Variants in SPIRE1 observed in about 807,000 individuals in gnomAD.
SPIRE1 encodes the protein protein spire homolog 1.
SPIRE1 carries 40 observed loss-of-function variants against 94.1 expected under a neutral mutation model. The observed-to-expected ratio is 0.43, with a 90% CI of 0.33 to 0.55. The LOEUF is 0.55. Among genes scored for constraint, SPIRE1 ranks in the 20% least tolerant of loss-of-function variants. The probability of loss-of-function intolerance (pLI) is 0.06; values close to 1 mark genes in which losing one functional copy is unlikely to be tolerated. For missense variants in SPIRE1, 838 were observed against 975.2 expected (o/e 0.86, Z 1.87); for synonymous variants, 376 against 371.7 (o/e 1.01, Z -0.13).
At chr18:12,580,424 A>G (rs2144529448) in intron 2 of SPIRE1, among the ~76,000 whole-genome samples, 1 of 151,960 alleles carries the variant, frequency 6.6e-6, no homozygotes, top group Middle Eastern at 3.4e-3. Flanking sequence ...CCCAGGTTCA[A>G]GCGATTCTCC....
chr18:12,637,447 T>C (rs1324788779), intron 1 of SPIRE1, among the ~76,000 whole-genome samples: 1 of 151,942 alleles, frequency 6.6e-6, no homozygotes. Flanking sequence ...AATCTATAAG[T>C]TTTTGTAGTA....
In SPIRE1 at chr18:12,465,363, CAG is replaced by C. The variant is rs374510519; in HGVS notation, c.1405-407_1405-406del. Among the ~76,000 whole-genome samples the C allele has an allele frequency of 5.3e-3, 801 of 152,198 alleles. 6 individuals carry two copies. Among genetic ancestry groups the C allele is most frequent in the African/African-American group, 0.018 (766 of 41,522 alleles). On this transcript the variant is annotated intron_variant, in intron 10 of 16. Coordinates refer to ENST00000409402, the MANE Select transcript of SPIRE1 (RefSeq NM_001128626.2). Reference sequence around the variant, plus strand: ...CTAATTTTTAAATTTTTTGTAGAGACAGGGTCTTCCTATGTTGCCTAGCTGGC... The same window carrying C: ...CTAATTTTTAAATTTTTTGTAGAGACGGTCTTCCTATGTTGCCTAGCTGGC...
chr18:12,492,928 G>T (rs2033292285), intron 8 of SPIRE1, 144 bp downstream of exon 8: 2 of 897,628 alleles, frequency 2.2e-6, no homozygotes, highest in Non-Finnish European at 3.3e-6. Context: ...GTATGTATAC[G>T]AGAGAGTGAG....
At chr18:12,552,776 G>C (rs757751356) in intron 2 of SPIRE1, among the ~76,000 whole-genome samples, 12 of 152,020 alleles carry the variant, frequency 7.9e-5, no homozygotes, top group Non-Finnish European at 1.8e-4. Flanking sequence ...GCCCTTAAAA[G>C]GGACAGGAAT....
At chr18:12,653,766 G>C (rs1434643463) in intron 1 of SPIRE1, among the ~76,000 whole-genome samples, 1 of 151,910 alleles carries the variant, frequency 6.6e-6, no homozygotes, top group Non-Finnish European at 1.5e-5. Flanking sequence ...GGGCAACATG[G>C]GGAAACCCCG....
chr18:12,519,701 C>T (rs190815851), intron 4 of SPIRE1, among the ~76,000 whole-genome samples: 1 of 152,172 alleles, frequency 6.6e-6, no homozygotes, highest in Admixed American at 6.5e-5. Flanking sequence ...TTCTTAAGTA[C>T]ATGAAAAGAT....
intron 10 of SPIRE1, among the ~76,000 whole-genome samples, chr18:12,466,873 G>C (rs540021638): frequency 6.6e-6 from 1 of 152,174 alleles, no homozygotes; most frequent in East Asian, 1.9e-4. Flanking sequence ...CCAAAAACTG[G>C]CCTCACCTAA....
In SPIRE1 at chr18:12,657,888, C is replaced by G. The variant is rs962957193; in HGVS notation, c.-22G>C. 4.2e-5 allele frequency: 44 copies of G among 1,040,168 alleles called. No homozygotes were observed. The highest frequency in any genetic ancestry group is 2.2e-4 in the Admixed American group (4 of 17,908). 64.4% of individuals were successfully genotyped at this position (1,040,168 alleles called of 1,614,324 possible). A position where few individuals can be genotyped will look rare whatever the true frequency, so the allele number is the denominator to read the frequency against. ...CCATCCCGCGGGTGGGCGCTGCGCT[C>G]GGCAGTCGCGCCGTGTGCCGGCGTC... On this transcript the variant is annotated 5_prime_UTR_variant, in exon 1 of 17. Transcript: ENST00000409402.
chr18:12,461,422 G>GTATGTATGTATGTATATACATACA (rs369178917), intron 12 of SPIRE1, among the ~76,000 whole-genome samples: 8 of 127,704 alleles, frequency 6.3e-5, no homozygotes, highest in African/African-American at 1.3e-4. Flanking sequence ...GTATGTGTGT[G>GTATGTATGTATGTATATACATACA]TGTGTGTATG....
In SPIRE1 at chr18:12,565,048, T is replaced by C. The variant is rs1027274616; in HGVS notation, c.373-18144A>G. On this transcript the variant is annotated intron_variant, in intron 2 of 16. Coordinates refer to ENST00000409402, the MANE Select transcript of SPIRE1 (RefSeq NM_001128626.2). ...ATGACCAAGAATTTCCTTCAATTAT[T>C]GTCAGACATCAAACTACAGGTCCAA... Among the ~76,000 whole-genome samples the C allele has an allele frequency of 2.1e-4, 32 of 152,130 alleles. 1 individual carries two copies. The highest frequency in any genetic ancestry group is 2.1e-3 in the Admixed American group (32 of 15,274).
chr18:12,611,351 A>C (rs993479829), intron 2 of SPIRE1, among the ~76,000 whole-genome samples: 1 of 152,126 alleles, frequency 6.6e-6, no homozygotes, highest in Non-Finnish European at 1.5e-5. Context: ...CTCTCTATAT[A>C]TCTTGGATCA....
chr18:12,593,314 C>G (rs1413421817), intron 2 of SPIRE1, among the ~76,000 whole-genome samples: 3 of 152,178 alleles, frequency 2.0e-5, no homozygotes, highest in African/African-American at 7.2e-5. Context: ...ATTTAAATAG[C>G]AGACCAATTC....
At chr18:12,655,026 C>A (rs1383180527) in intron 1 of SPIRE1, among the ~76,000 whole-genome samples, 5 of 137,660 alleles carry the variant, frequency 3.6e-5, no homozygotes, top group Admixed American at 7.5e-5. Context: ...GACTCCATCT[C>A]AAAAAAAAAA....
chr18:12,614,072 C>T (rs993525389), intron 2 of SPIRE1, among the ~76,000 whole-genome samples: 1 of 152,074 alleles, frequency 6.6e-6, no homozygotes, highest in Non-Finnish European at 1.5e-5. Context: ...CCAGCCAGGA[C>T]AACAAAGCAA....
rs114095146 is a variant in SPIRE1, at chr18:12,495,294, C to T, written c.1059+722G>A. Among the ~76,000 whole-genome samples the T allele has an allele frequency of 4.3e-4, 65 of 152,226 alleles. 1 individual carries two copies. Among genetic ancestry groups the T allele is most frequent in the African/African-American group, 1.5e-3 (61 of 41,536 alleles). ...TCCAACAGATTAGAATATTCTGAGT[C>T]TATGGTTGCTAGAAAGAACTCTGTT... On this transcript the variant is annotated intron_variant, in intron 7 of 16. Coordinates refer to ENST00000409402, the MANE Select transcript of SPIRE1 (RefSeq NM_001128626.2).
chr18:12,494,317 G>A (rs1405789617), intron 7 of SPIRE1, among the ~76,000 whole-genome samples: 1 of 151,938 alleles, frequency 6.6e-6, no homozygotes, highest in Non-Finnish European at 1.5e-5. Context: ...GGAAATAAAG[G>A]CTCTGGGAGG....
intron 4 of SPIRE1, among the ~76,000 whole-genome samples, chr18:12,513,157 T>C (rs1224018893): frequency 6.6e-6 from 1 of 152,206 alleles, no homozygotes; most frequent in Admixed American, 6.6e-5. Flanking sequence ...GCACTGGCAC[T>C]TGCTGATGCT....
chr18:12,615,345 A>AAAAAAATAT, intron 2 of SPIRE1, among the ~76,000 whole-genome samples: 1 of 17,242 alleles, frequency 5.8e-5, no homozygotes, highest in Non-Finnish European at 1.9e-4. Context: ...AAAAAAAAAA[A>AAAAAAATAT]ATATATATAT....
Position 12,573,663 on chromosome 18 carries a change from G to A in SPIRE1, c.373-26759C>T, listed in dbSNP as rs144244258. 3.6e-3 allele frequency among the ~76,000 whole-genome samples: 555 copies of A among 152,194 alleles called. 4 individuals carry two copies. Among genetic ancestry groups the A allele is most frequent in the Non-Finnish European group, 6.0e-3 (407 of 67,994 alleles). ...TATATAACAGTAATGATGGACATGT[G>A]TCATCATATATCTGTCAAAACCCAC... is the stretch of plus-strand genomic sequence containing the variant. On this transcript the variant is annotated intron_variant, in intron 2 of 16. Transcript: ENST00000409402.
Sources: gnomAD v4.1 joint callset for allele counts (sites outside exome capture counted in the v4.1 genomes callset) on GRCh38, gnomAD v4.1.1 for gene constraint, MANE v1.5 for transcripts, NCBI Gene and HGNC (gene_info 2026-07-23, HGNC 2026-07-21) for gene names.